The following CNGB3 variants were observed in gnomAD, a reference collection of about 807,000 sequenced individuals.
CNGB3 encodes the protein cyclic nucleotide gated channel subunit beta 3.
CNGB3 carries 86 observed loss-of-function variants against 92.8 expected under a neutral mutation model. That is an observed-to-expected ratio of 0.93 (90% CI 0.78 to 1.11). The LOEUF (loss-of-function observed/expected upper bound fraction) is 1.11, where lower values mean the gene tolerates loss of function less well. CNGB3 is among the 50% of genes least tolerant of loss of function. The pLI, the probability that CNGB3 is intolerant of heterozygous loss-of-function variation, is 0.00. For synonymous variants in CNGB3, 333 were observed against 332.7 expected, an observed-to-expected ratio of 1.00 and a Z score of -0.01; for missense variants, 1,026 against 956.8, an observed-to-expected ratio of 1.07 and a Z score of -0.95.
chr8:86,736,047 G>A (rs1440489223), intron 2 of CNGB3, among the ~76,000 whole-genome samples: 1 of 151,988 alleles, frequency 6.6e-6, no homozygotes, highest in Non-Finnish European at 1.5e-5. Flanking sequence ...AATCAAAAGA[G>A]GACCTTAGCA....
intron 6 of CNGB3, among the ~76,000 whole-genome samples, chr8:86,655,796 G>A (rs1323649064): frequency 1.3e-5 from 2 of 152,170 alleles, no homozygotes; most frequent in Admixed American, 1.3e-4. Flanking sequence ...GACTAGAGTG[G>A]CATTTGTTAA....
At chr8:86,716,191 A>G (rs1381836243) in intron 3 of CNGB3, among the ~76,000 whole-genome samples, 1 of 152,140 alleles carries the variant, frequency 6.6e-6, no homozygotes, top group East Asian at 1.9e-4. Context: ...ACAGAATACA[A>G]AAATGAACAA....
intron 15 of CNGB3, among the ~76,000 whole-genome samples, chr8:86,598,971 G>T (rs932946775): frequency 6.6e-6 from 1 of 152,002 alleles, no homozygotes; most frequent in Non-Finnish European, 1.5e-5. Context: ...CAGGCATCAC[G>T]TCAATTATCC....
At chr8:86,616,787 G>A (rs7843049) in intron 13 of CNGB3, among the ~76,000 whole-genome samples, 3,365 of 152,154 alleles carry the variant, frequency 0.022, 144 homozygotes, top group African/African-American at 0.077. Flanking sequence ...ATCACTCCTG[G>A]CTTTTAGATA....
At chr8:86,732,294 C>T (rs1460367443) in intron 2 of CNGB3, among the ~76,000 whole-genome samples, 2 of 152,140 alleles carry the variant, frequency 1.3e-5, no homozygotes, top group Non-Finnish European at 2.9e-5. Flanking sequence ...ATGCTGGGCA[C>T]CTAATCTCAA....
intron 6 of CNGB3, chr8:86,662,054 G>C: frequency 3.5e-6 from 1 of 283,608 alleles, no homozygotes; most frequent in Non-Finnish European, 6.6e-6. Context: ...GCGAGGGTGC[G>C]CTGCTGTCCC....
At chr8:86,609,567 C>G (rs376378391) in intron 14 of CNGB3, among the ~76,000 whole-genome samples, 1 of 152,202 alleles carries the variant, frequency 6.6e-6, no homozygotes. Context: ...GCAAGGCCCT[C>G]TTCTCTGACC....
chr8:86,718,291 CAA>C (rs986513003), intron 3 of CNGB3, among the ~76,000 whole-genome samples: 2 of 151,886 alleles, frequency 1.3e-5, no homozygotes, highest in African/African-American at 4.8e-5. Flanking sequence ...CAAGAAAAGA[CAA>C]GAGAAGATTC....
intron 3 of CNGB3, among the ~76,000 whole-genome samples, chr8:86,691,793 C>G (rs1232033061): frequency 1.3e-5 from 2 of 152,054 alleles, no homozygotes; most frequent in Non-Finnish European, 2.9e-5. Flanking sequence ...TTTTGTTTCT[C>G]TAGCTCCTTG....
At position 86,666,992 on chromosome 8, in the gene CNGB3, A is replaced by T; in HGVS notation, c.785T>A (p.Ile262Asn). 1 of 1,613,842 alleles carries T rather than the reference A, an allele frequency of 6.2e-7. No homozygotes were observed. The highest frequency in any genetic ancestry group is 8.5e-7 in the Non-Finnish European group (1 of 1,180,004). Residue 262 changes from isoleucine to asparagine, a missense_variant, in exon 6 of 18, where the codon ATC becomes AAC. Ile to Asn is a moderately radical substitution (Grantham distance 149). Coordinates refer to ENST00000320005, the MANE Select transcript of CNGB3 (RefSeq NM_019098.5). Reference sequence around the variant, plus strand: ...AAATAGCATATCATAAAGGTAGATGATATCACATATGATGTCCGCAATAAG... The same window carrying T: ...AAATAGCATATCATAAAGGTAGATGTTATCACATATGATGTCCGCAATAAG... ...YWLIADIICDIIYLYDMLFIQ... is the reference protein window; with the variant it reads ...YWLIADIICDNIYLYDMLFIQ...
chr8:86,576,691 C>G (rs1309093130), intron 17 of CNGB3, among the ~76,000 whole-genome samples: 1 of 152,058 alleles, frequency 6.6e-6, no homozygotes, highest in African/African-American at 2.4e-5. Flanking sequence ...AATTTCATAG[C>G]AAAAGGTACA....
intron 13 of CNGB3, among the ~76,000 whole-genome samples, chr8:86,619,502 T>G (rs1321559480): frequency 1.3e-5 from 2 of 152,142 alleles, no homozygotes; most frequent in Admixed American, 1.3e-4. Flanking sequence ...TCACCCATGT[T>G]GAAGCAGCAA....
chr8:86,680,283 T>C (rs1824057767), intron 3 of CNGB3, among the ~76,000 whole-genome samples: 1 of 152,210 alleles, frequency 6.6e-6, no homozygotes, highest in Admixed American at 6.5e-5. Context: ...GAGACATTTC[T>C]GAAAGTTAGA....
intron 7 of CNGB3, among the ~76,000 whole-genome samples, chr8:86,649,725 G>A (rs1363674039): frequency 6.6e-6 from 1 of 151,558 alleles, no homozygotes; most frequent in African/African-American, 2.4e-5. Flanking sequence ...AAACTCTTCT[G>A]GACATTGGCC....
chr8:86,607,009 G>T (rs990968851), intron 14 of CNGB3, among the ~76,000 whole-genome samples: 24 of 152,198 alleles, frequency 1.6e-4, no homozygotes, highest in African/African-American at 5.8e-4. Flanking sequence ...GTAATGATGA[G>T]GACAGGGTCA....
chr8:86,629,072 C>G lies in CNGB3; in HGVS notation c.1327G>C (p.Asp443His). The change falls in exon 12 of 18, where the codon GAT becomes CAT. Residue 443 changes from aspartate to histidine, a missense_variant. Transcript: ENST00000320005. ...VFSSLIGQMR[D>H]VIGAATANQN... ...TTGGCTGTAGCTGCTCCAATCACAT[C>G]TCTCATCTAAAACCACAAATATGGT... The G allele has an allele frequency of 6.2e-7, 1 of 1,614,012 alleles. No homozygotes were observed. The highest frequency in any genetic ancestry group is 1.1e-5 in the South Asian group (1 of 91,078).
At chr8:86,642,649 A>G (rs1823213683) in intron 10 of CNGB3, among the ~76,000 whole-genome samples, 1 of 151,568 alleles carries the variant, frequency 6.6e-6, no homozygotes, top group South Asian at 2.1e-4. Context: ...TTGCCTTATT[A>G]TATGTTCAAT....
intron 15 of CNGB3, among the ~76,000 whole-genome samples, chr8:86,596,228 G>T (rs1173168857): frequency 6.6e-6 from 1 of 152,130 alleles, no homozygotes; most frequent in African/African-American, 2.4e-5. Context: ...TGGCAATGGG[G>T]ATAATAAAGT....
At chr8:86,695,386 C>T (rs1824431091) in intron 3 of CNGB3, among the ~76,000 whole-genome samples, 1 of 151,978 alleles carries the variant, frequency 6.6e-6, no homozygotes, top group South Asian at 2.1e-4. Context: ...TTTGTCAGAT[C>T]AGGTTAATTC....
Sources: gnomAD v4.1 joint callset for allele counts (sites outside exome capture counted in the v4.1 genomes callset) on GRCh38, gnomAD v4.1.1 for gene constraint, MANE v1.5 for transcripts, NCBI Gene and HGNC (gene_info 2026-07-23, HGNC 2026-07-21) for gene names.